The following SDK1 variants were observed in gnomAD, a reference collection of about 807,000 sequenced individuals.
SDK1 encodes the protein protein sidekick-1.
Under a neutral mutation model 245.5 loss-of-function variants are expected in SDK1, and 157 were observed. That is an observed-to-expected ratio of 0.64 (90% CI 0.56 to 0.73). The LOEUF (loss-of-function observed/expected upper bound fraction) is 0.73, where lower values mean the gene tolerates loss of function less well. SDK1 is among the 30% of genes least tolerant of loss of function. SDK1 has a pLI of 0.00. For synonymous variants in SDK1, 1,647 were observed against 1,278.5 expected (o/e 1.29, Z -6.15); for missense variants, 3,583 against 3,002.3 (o/e 1.19, Z -4.52).
intron 4 of SDK1, among the ~76,000 whole-genome samples, chr7:3,720,932 C>G (rs576786189): frequency 1.3e-5 from 2 of 152,186 alleles, no homozygotes; most frequent in Non-Finnish European, 2.9e-5. Context: ...TGATGGGCTT[C>G]TGATACACAC....
intron 1 of SDK1, among the ~76,000 whole-genome samples, chr7:3,511,943 C>G (rs1315229730): frequency 1.3e-5 from 2 of 149,708 alleles, no homozygotes; most frequent in Non-Finnish European, 3.0e-5. Context: ...ATGTTGCAAC[C>G]ATTGATGAGC....
chr7:4,074,856 T>TACTTTCTCGCTCTCTC (rs1486926440), intron 20 of SDK1, among the ~76,000 whole-genome samples: 1 of 72,338 alleles, frequency 1.4e-5, no homozygotes, highest in Non-Finnish European at 2.5e-5. Context: ...GAGCAAGACT[T>TACTTTCTCGCTCTCTC]TCTCTCTCTC....
intron 1 of SDK1, among the ~76,000 whole-genome samples, chr7:3,600,986 AT>A (rs1419250709): frequency 2.0e-5 from 3 of 151,482 alleles, no homozygotes; most frequent in Non-Finnish European, 4.4e-5. Context: ...AGCTCACCTA[AT>A]TTTTTTCCTT....
chr7:4,013,831 C>CT (rs1270626287), intron 16 of SDK1, among the ~76,000 whole-genome samples: 22 of 152,356 alleles, frequency 1.4e-4, no homozygotes, highest in African/African-American at 5.3e-4. Flanking sequence ...GAGGCTCCAA[C>CT]TGTCCTTCCT....
intron 1 of SDK1, among the ~76,000 whole-genome samples, chr7:3,354,865 A>G (rs1298615240): frequency 1.3e-5 from 2 of 152,250 alleles, no homozygotes; most frequent in Non-Finnish European, 2.9e-5. Context: ...CTTAAAGTGT[A>G]CGTACTTGAT....
intron 4 of SDK1, among the ~76,000 whole-genome samples, chr7:3,682,193 A>AG (rs1784120827): frequency 4.6e-5 from 7 of 152,214 alleles, no homozygotes; most frequent in Admixed American, 4.6e-4. Context: ...TAGGCAACCC[A>AG]GGTATTATTA....
At chr7:3,404,795 G>A (rs571538262) in intron 1 of SDK1, among the ~76,000 whole-genome samples, 2 of 152,288 alleles carry the variant, frequency 1.3e-5, no homozygotes, top group South Asian at 4.1e-4. Context: ...ATGTGTTTTG[G>A]TTGGACAAGA....
At chr7:3,442,401 A>T (rs1780220869) in intron 1 of SDK1, among the ~76,000 whole-genome samples, 1 of 152,246 alleles carries the variant, frequency 6.6e-6, no homozygotes, top group Non-Finnish European at 1.5e-5. Flanking sequence ...CCACAAATGG[A>T]ATGGTAACTG....
At chr7:3,611,345 T>C in intron 1 of SDK1, among the ~76,000 whole-genome samples, 1 of 152,144 alleles carries the variant, frequency 6.6e-6, no homozygotes. Flanking sequence ...GTTTATGTCC[T>C]TTTTCTCCTT....
intron 5 of SDK1, among the ~76,000 whole-genome samples, chr7:3,843,525 C>CA (rs1211450200): frequency 3.9e-5 from 6 of 152,192 alleles, no homozygotes; most frequent in African/African-American, 1.4e-4. Flanking sequence ...GATATTCCTT[C>CA]ATTAGTTTTA....
At chr7:3,968,025 T>G in intron 10 of SDK1, among the ~76,000 whole-genome samples, 1 of 152,240 alleles carries the variant, frequency 6.6e-6, no homozygotes, top group East Asian at 1.9e-4. Context: ...ATCCACGCCC[T>G]TCAGAGAGTG....
rs11984037 is a variant in SDK1, at chr7:3,340,548, C to T, written c.298+38664C>T. ...GAGGCCAAGGTGGGTGGCTCACGAG[C>T]TCAGGAGATCGAGACCATCCTGGCT... is the stretch of plus-strand genomic sequence containing the variant. On this transcript the variant is annotated intron_variant, in intron 1 of 44. Transcript: ENST00000404826. Among the ~76,000 whole-genome samples, 890 of 152,110 alleles carry T rather than the reference C, an allele frequency of 5.9e-3. 9 individuals carry two copies. The highest frequency in any genetic ancestry group is 0.02 in the African/African-American group (824 of 41,504).
chr7:3,343,063 C>A (rs1174161957), intron 1 of SDK1, among the ~76,000 whole-genome samples: 1 of 149,238 alleles, frequency 6.7e-6, no homozygotes, highest in African/African-American at 2.5e-5. Context: ...TCATACATTG[C>A]TAGTGGGAAT....
At position 4,097,898 on chromosome 7, in the gene SDK1, A is replaced by C. The variant is rs1196227578; in HGVS notation, c.3325-12765A>C. 3.9e-5 allele frequency among the ~76,000 whole-genome samples: 6 copies of C among 152,256 alleles called. No homozygotes were observed. The South Asian group carries it at 8.3e-4, about 21-fold the overall frequency. On this transcript the variant is annotated intron_variant, in intron 22 of 44. Transcript: ENST00000404826. Reference sequence around the variant, plus strand: ...GCACAGGAGAGCTGTCATTGGCCCTAATGACTCCTTCCATAATCCCACGGT... The same window carrying C: ...GCACAGGAGAGCTGTCATTGGCCCTCATGACTCCTTCCATAATCCCACGGT...
intron 1 of SDK1, among the ~76,000 whole-genome samples, chr7:3,501,611 A>T (rs567282838): frequency 6.6e-6 from 1 of 152,272 alleles, no homozygotes; most frequent in African/African-American, 2.4e-5. Context: ...GTTATAGAGT[A>T]TTTGTTTTTC....
intron 1 of SDK1, among the ~76,000 whole-genome samples, chr7:3,351,718 T>C (rs191997307): frequency 1.3e-5 from 2 of 152,266 alleles, no homozygotes; most frequent in Admixed American, 1.3e-4. Context: ...AAAGGTTCAG[T>C]TCAGATATAG....
At chr7:3,619,463 C>G (rs1302766483) in intron 2 of SDK1, among the ~76,000 whole-genome samples, 1 of 152,150 alleles carries the variant, frequency 6.6e-6, no homozygotes, top group Non-Finnish European at 1.5e-5. Context: ...TAAAAGTAAG[C>G]CCATTAGTGA....
At chr7:4,153,879 C>T (rs1780553989) in intron 30 of SDK1, among the ~76,000 whole-genome samples, 1 of 151,422 alleles carries the variant, frequency 6.6e-6, no homozygotes, top group African/African-American at 2.4e-5. Context: ...TGGGGTCTCA[C>T]TATGTTGCCC....
intron 5 of SDK1, among the ~76,000 whole-genome samples, chr7:3,897,430 G>A (rs1040225441): frequency 2.6e-5 from 4 of 152,058 alleles, no homozygotes; most frequent in Non-Finnish European, 5.9e-5. Context: ...TACTCTAGAG[G>A]CCTCATATAA....
Sources: gnomAD v4.1 joint callset for allele counts (sites outside exome capture counted in the v4.1 genomes callset) on GRCh38, gnomAD v4.1.1 for gene constraint, MANE v1.5 for transcripts, NCBI Gene and HGNC (gene_info 2026-07-23, HGNC 2026-07-21) for gene names.